PTBP2: variants seen among roughly 807,000 people sequenced by gnomAD.
The protein encoded by PTBP2 is polypyrimidine tract binding protein 2, also known as polypyrimidine tract-binding protein 2.
In PTBP2, 13 loss-of-function variants were observed where a neutral mutation model predicts 61.4. The ratio of observed to expected loss-of-function variants is 0.21; its 90% confidence interval spans 0.14 to 0.34. PTBP2 has a LOEUF of 0.34. Among genes scored for constraint, PTBP2 ranks in the 10% least tolerant of loss-of-function variants. The pLI, the probability that PTBP2 is intolerant of heterozygous loss-of-function variation, is 1.00. For synonymous variants in PTBP2, 215 were observed against 218.5 expected (o/e 0.98, Z 0.14); for missense variants, 405 against 642.6 (o/e 0.63, Z 4.00).
At chr1:96,756,360 A>C (rs1182418673) in intron 3 of PTBP2, among the ~76,000 whole-genome samples, 1 of 152,138 alleles carries the variant, frequency 6.6e-6, no homozygotes, top group African/African-American at 2.4e-5. Flanking sequence ...GATCACGCCC[A>C]TTTCACTCCA....
chr1:96,801,564 C>A (rs188244223), intron 8 of PTBP2, among the ~76,000 whole-genome samples: 3 of 152,014 alleles, frequency 2.0e-5, no homozygotes, highest in African/African-American at 7.2e-5. Flanking sequence ...TTAAAAAGTT[C>A]GTGGTTTTGG....
At chr1:96,746,663 C>T (rs1374179178) in intron 2 of PTBP2, among the ~76,000 whole-genome samples, 1 of 144,896 alleles carries the variant, frequency 6.9e-6, no homozygotes, top group Non-Finnish European at 1.5e-5. Flanking sequence ...ATGATCGTTC[C>T]ATTGCACTCT....
chr1:96,761,353 TG>T (rs1655838867), intron 3 of PTBP2, among the ~76,000 whole-genome samples: 1 of 87,774 alleles, frequency 1.1e-5, no homozygotes, highest in East Asian at 3.2e-4. Flanking sequence ...TTGATGTGTG[TG>T]TGTGTGTGTG....
intron 8 of PTBP2, 119 bp from the exon 9 acceptor site, chr1:96,804,681 C>A (rs1216852265): frequency 5.2e-6 from 5 of 959,006 alleles, no homozygotes; most frequent in Non-Finnish European, 6.0e-6. Flanking sequence ...CTTTCAGGAA[C>A]CATTTGGAAT....
At chr1:96,750,204 G>C (rs273878) in intron 2 of PTBP2, among the ~76,000 whole-genome samples, 51,076 of 151,612 alleles carry the variant, frequency 0.34, 8,799 homozygotes, top group South Asian at 0.44. Context: ...CTTTGAGAAT[G>C]ATTAGAGTAT....
At chr1:96,770,939 C>T (rs1657307470) in intron 5 of PTBP2, 88 bp downstream of exon 5, 1 of 1,162,226 alleles carries the variant, frequency 8.6e-7, no homozygotes, top group Non-Finnish European at 1.2e-6. Flanking sequence ...TTTACCTGTT[C>T]AGATGTTCCT....
downstream of PTBP2, chr1:96,815,468 G>A (rs983520641): frequency 6.6e-6 from 1 of 152,018 alleles, no homozygotes; most frequent in Non-Finnish European, 1.5e-5. Flanking sequence ...AACAACTGAG[G>A]ATGTTACTAC....
chr1:96,798,540 A>C (rs1043341919), intron 8 of PTBP2, among the ~76,000 whole-genome samples: 11 of 152,204 alleles, frequency 7.2e-5, no homozygotes, highest in African/African-American at 2.4e-4. Flanking sequence ...ATCATAAATT[A>C]CTTTGGATGG....
intron 2 of PTBP2, among the ~76,000 whole-genome samples, chr1:96,740,183 TC>T (rs1419352580): frequency 6.6e-6 from 1 of 152,138 alleles, no homozygotes; most frequent in Non-Finnish European, 1.5e-5. Flanking sequence ...AACTCAGACT[TC>T]CATAACAAAA....
At chr1:96,756,981 A>G (rs932715345) in intron 3 of PTBP2, among the ~76,000 whole-genome samples, 1 of 152,176 alleles carries the variant, frequency 6.6e-6, no homozygotes, top group Non-Finnish European at 1.5e-5. Flanking sequence ...ACAATGTGCC[A>G]TCTGGTGGGA....
chr1:96,775,094 C>T (rs1657885293), intron 5 of PTBP2, among the ~76,000 whole-genome samples: 1 of 152,068 alleles, frequency 6.6e-6, no homozygotes, highest in South Asian at 2.1e-4. Context: ...AAGCTATCCC[C>T]TGATAAGCAA....
intron 3 of PTBP2, among the ~76,000 whole-genome samples, chr1:96,759,503 C>G (rs1350552735): frequency 1.3e-5 from 2 of 151,932 alleles, no homozygotes; most frequent in Non-Finnish European, 2.9e-5. Context: ...AATATACATA[C>G]AAAAAAGCAA....
intron 3 of PTBP2, among the ~76,000 whole-genome samples, chr1:96,765,788 G>T (rs1236755958): frequency 6.6e-6 from 1 of 152,064 alleles, no homozygotes; most frequent in Non-Finnish European, 1.5e-5. Flanking sequence ...TATTTAATAA[G>T]TAAAGATAGG....
intron 8 of PTBP2, among the ~76,000 whole-genome samples, chr1:96,790,200 G>A (rs1057306436): frequency 6.6e-6 from 1 of 151,202 alleles, no homozygotes; most frequent in Non-Finnish European, 1.5e-5. Flanking sequence ...ATGTTAACTT[G>A]TTCCTCTATC....
chr1:96,726,494 G>A (rs1211677623), intron 2 of PTBP2, among the ~76,000 whole-genome samples: 1 of 150,608 alleles, frequency 6.6e-6, no homozygotes, highest in Non-Finnish European at 1.5e-5. Context: ...CTGGAGTGCA[G>A]TGTCGCGATC....
intron 2 of PTBP2, among the ~76,000 whole-genome samples, chr1:96,736,950 G>T (rs1352590598): frequency 6.6e-6 from 1 of 151,850 alleles, no homozygotes; most frequent in African/African-American, 2.4e-5. Flanking sequence ...AAAGTGCTGG[G>T]ATTACAGGAC....
chr1:96,822,581 A>G (rs551096538), exon 14 of PTBP2: 8 of 152,316 alleles, frequency 5.3e-5, no homozygotes, highest in South Asian at 4.1e-4. Flanking sequence ...TCCCTTTTGA[A>G]TTGATTTAGT....
At chr1:96,792,475 T>C (rs1332663851) in intron 8 of PTBP2, among the ~76,000 whole-genome samples, 1 of 152,154 alleles carries the variant, frequency 6.6e-6, no homozygotes, top group Non-Finnish European at 1.5e-5. Flanking sequence ...GACTAATAAA[T>C]AGTGGAATAA....
At chr1:96,771,386 A>C (rs1657363809) in intron 5 of PTBP2, 1 of 152,086 alleles carries the variant, frequency 6.6e-6, no homozygotes, top group Non-Finnish European at 1.5e-5. Flanking sequence ...AGACTGCTGT[A>C]ATGATCTAAA....
Sources: allele counts gnomAD v4.1 joint callset (sites outside exome capture counted in the v4.1 genomes callset), GRCh38; gene constraint gnomAD v4.1.1; transcripts MANE v1.5; gene names NCBI Gene and HGNC (gene_info 2026-07-23, HGNC 2026-07-21).